Variants in SUSD4 observed in about 807,000 individuals in gnomAD.
The protein encoded by SUSD4 is sushi domain containing 4, also known as sushi domain-containing protein 4.
In SUSD4, 41 loss-of-function variants were observed where a neutral mutation model predicts 50.5. The ratio of observed to expected loss-of-function variants is 0.81; its 90% CI spans 0.63 to 1.05. The LOEUF is 1.05. Among genes scored for constraint, SUSD4 ranks in the 50% least tolerant of loss-of-function variants. The pLI is 0.00. For synonymous variants in SUSD4, 257 were observed against 257.3 expected, an observed-to-expected ratio of 1.00 and a Z score of 0.01; for missense variants, 580 against 634.7, an observed-to-expected ratio of 0.91 and a Z score of 0.93.
At chr1:223,254,574 A>C (rs1661559988) in intron 5 of SUSD4, among the ~76,000 whole-genome samples, 1 of 152,216 alleles carries the variant, frequency 6.6e-6, no homozygotes, top group East Asian at 1.9e-4. Context: ...CAAGAGAAAA[A>C]GAGTCTAAAA....
intron 4 of SUSD4, among the ~76,000 whole-genome samples, chr1:223,268,047 A>ATATATATATATATATATG: frequency 1.7e-5 from 1 of 59,710 alleles, no homozygotes; most frequent in African/African-American, 5.1e-5. Flanking sequence ...ATATATACAC[A>ATATATATATATATATATG]CACACTGTTA....
Position 223,292,500 on chromosome 1 carries a change from C to G in SUSD4, c.300G>C (p.Leu100Phe). The G allele has an allele frequency of 6.2e-7, 1 of 1,614,204 alleles. No individual in the cohort carries two copies. Among genetic ancestry groups the G allele is most frequent in the Non-Finnish European group, 8.5e-7 (1 of 1,180,032 alleles). The change falls in exon 3 of 9, where the codon TTG (leucine) becomes TTC (phenylalanine). Residue 100 changes from leucine to phenylalanine, a missense_variant. Transcript: ENST00000366878. ...AGCCTAGGGTTCCATTAAAATGCTT[C>G]AAACACAGTCTCTTTGTAGCGCCCT... ...KLKGATKRLCLKHFNGTLGWI... is the reference protein window; with the variant it reads ...KLKGATKRLCFKHFNGTLGWI...
chr1:223,296,917 T>G lies in SUSD4; in HGVS notation c.149-4266A>C, dbSNP rs553461326. Among the ~76,000 whole-genome samples the G allele has an allele frequency of 1.9e-3, 289 of 152,308 alleles. 1 individual carries two copies. Among genetic ancestry groups the G allele is most frequent in the African/African-American group, 6.4e-3 (268 of 41,564 alleles). ...TGTGGAACTATGAATCAATTAAACC[T>G]CTTTCCTTTATAATTTACCAAGCCT... On this transcript the variant is annotated intron_variant, in intron 2 of 8. Transcript: ENST00000366878.
chr1:223,323,214 G>C (rs1047615200), intron 2 of SUSD4, among the ~76,000 whole-genome samples: 1 of 151,120 alleles, frequency 6.6e-6, no homozygotes, highest in Non-Finnish European at 1.5e-5. Context: ...GGGATGGAAG[G>C]AAAGAGGAAA....
chr1:223,284,301 T>G (rs1294607882), intron 3 of SUSD4, among the ~76,000 whole-genome samples: 5 of 152,226 alleles, frequency 3.3e-5, no homozygotes. Flanking sequence ...TAATTGGGTA[T>G]GGGCCTGGGG....
chr1:223,317,852 T>C (rs866646020), intron 2 of SUSD4, among the ~76,000 whole-genome samples: 16,807 of 72,060 alleles, frequency 0.23, 886 homozygotes, highest in East Asian at 0.35. Context: ...TTTTTTTTTC[T>C]TTTTTTTTTT....
chr1:223,268,525 C>A lies in SUSD4; in HGVS notation c.512G>T (p.Trp171Leu). 6.2e-7 allele frequency: 1 copy of A among 1,613,718 alleles called. No individual in the cohort carries two copies. The highest frequency in any genetic ancestry group is 8.5e-7 in the Non-Finnish European group (1 of 1,179,836). ...ACCTTGACAGATGGGCAGATTATTC[C>A]ACGTTCCATCATCGCGACATAATGA... The part of the protein sequence containing the change: ...MVSLCRDDGT[W>L]NNLPICQGCL... The change falls in exon 4 of 9, where the codon TGG becomes TTG. Residue 171 changes from tryptophan (W) to leucine (L), a missense_variant. By Grantham distance (61) the Trp-to-Leu change is moderately conservative. Coordinates refer to ENST00000366878, the MANE Select transcript of SUSD4 (RefSeq NM_017982.4).
intron 2 of SUSD4, among the ~76,000 whole-genome samples, chr1:223,351,834 C>A (rs1359749863): frequency 6.6e-6 from 1 of 152,042 alleles, no homozygotes; most frequent in Non-Finnish European, 1.5e-5. Flanking sequence ...AGAATAGTTT[C>A]AATGTAAACT....
At chr1:223,255,111 G>A (rs1379536773) in intron 5 of SUSD4, among the ~76,000 whole-genome samples, 2 of 152,196 alleles carry the variant, frequency 1.3e-5, no homozygotes, top group Non-Finnish European at 2.9e-5. Context: ...TATGTGCCCA[G>A]GCCATAGAAT....
rs562211072 is a variant in SUSD4 at position 223,292,490 on chromosome 1, T to G, written c.310A>C (p.Asn104His). ...CTTGGGATCCAGCCTAGGGTTCCATTAAAATGCTTCAAACACAGTCTCTTT... is the reference window on the plus strand; with the variant it reads ...CTTGGGATCCAGCCTAGGGTTCCATGAAAATGCTTCAAACACAGTCTCTTT... Reference protein sequence around the residue: ...ATKRLCLKHFNGTLGWIPSDN... With the variant: ...ATKRLCLKHFHGTLGWIPSDN... Residue 104 changes from asparagine (N) to histidine (H), a missense_variant, in exon 3 of 9, where the codon AAT (asparagine) becomes CAT (histidine). Physicochemically the swap from Asn to His is moderately conservative, Grantham distance 68. Coordinates refer to ENST00000366878, the MANE Select transcript of SUSD4 (RefSeq NM_017982.4). 9 of 1,614,156 alleles carry G rather than the reference T, an allele frequency of 5.6e-6. No homozygotes were observed. The highest frequency in any genetic ancestry group is 7.6e-6 in the Non-Finnish European group (9 of 1,180,016).
At chr1:223,232,225 G>A (rs528508285) in intron 5 of SUSD4, among the ~76,000 whole-genome samples, 3 of 152,270 alleles carry the variant, frequency 2.0e-5, no homozygotes, top group East Asian at 1.9e-4. Context: ...TCCATAGGAC[G>A]AAGCCCAGAG....
chr1:223,330,138 C>T lies in SUSD4; in HGVS notation c.148+33140G>A, dbSNP rs139628794. On this transcript the variant is annotated intron_variant, in intron 2 of 8. Coordinates refer to ENST00000366878, the MANE Select transcript of SUSD4 (RefSeq NM_017982.4). ...CTTTTGTATTTCTTTGGGAAAGCAA[C>T]TCGCATTCATTCTCATTATCACACT... is the stretch of plus-strand genomic sequence containing the variant. Among the ~76,000 whole-genome samples, 54 of 152,304 alleles carry T rather than the reference C, an allele frequency of 3.5e-4. No individual in the cohort carries two copies. The East Asian group carries it at 6.6e-3, about 19-fold the overall frequency.
intron 3 of SUSD4, among the ~76,000 whole-genome samples, chr1:223,279,746 AG>A (rs1663555173): frequency 1.3e-5 from 2 of 152,324 alleles, no homozygotes; most frequent in South Asian, 4.1e-4. Flanking sequence ...AATGCCACAA[AG>A]ATACTCCTCG....
intron 2 of SUSD4, among the ~76,000 whole-genome samples, chr1:223,362,736 T>C (rs1204204440): frequency 6.6e-6 from 1 of 152,174 alleles, no homozygotes; most frequent in Non-Finnish European, 1.5e-5. Flanking sequence ...TACACATACA[T>C]GCTGCACACA....
Position 223,305,193 on chromosome 1 carries a change from T to C in SUSD4, c.149-12542A>G, listed in dbSNP as rs370513323. 3.9e-5 allele frequency among the ~76,000 whole-genome samples: 6 copies of C among 152,192 alleles called. No homozygotes were observed. In the East Asian group the frequency reaches 9.7e-4, roughly 25 times the overall value. On this transcript the variant is annotated intron_variant, in intron 2 of 8. Transcript: ENST00000366878. ...AAATCTAAGGGCCGGCAGCCTTTCA[T>C]GCACAGACAGCTCAGCTCTGGCCTT...
intron 8 of SUSD4, among the ~76,000 whole-genome samples, chr1:223,222,757 C>T (rs898141704): frequency 3.9e-5 from 6 of 152,214 alleles, no homozygotes; most frequent in Admixed American, 2.6e-4. Flanking sequence ...TTTTACTTCA[C>T]ATCTGGTAAA....
chr1:223,237,500 T>G (rs1186124585), intron 5 of SUSD4, among the ~76,000 whole-genome samples: 3 of 152,036 alleles, frequency 2.0e-5, no homozygotes, highest in Non-Finnish European at 1.5e-5. Flanking sequence ...TAGATATTCT[T>G]TATACGGTTG....
At chr1:223,306,962 T>TC (rs1553302237) in intron 2 of SUSD4, among the ~76,000 whole-genome samples, 2 of 149,108 alleles carry the variant, frequency 1.3e-5, no homozygotes, top group East Asian at 3.9e-4. Flanking sequence ...TTTTTTTTTT[T>TC]GGGGGGGGGT....
In SUSD4 at chr1:223,249,800, G is replaced by A. The variant is rs552104668; in HGVS notation, c.724+14830C>T. ...TAAAACAAAAAATGCATGCTATTCTGTGAAAGGCACCATGCTTTTCTGACA... is the reference window on the plus strand; with the variant it reads ...TAAAACAAAAAATGCATGCTATTCTATGAAAGGCACCATGCTTTTCTGACA... On this transcript the variant is annotated intron_variant, in intron 5 of 8. Coordinates refer to ENST00000366878, the MANE Select transcript of SUSD4 (RefSeq NM_017982.4). Among the ~76,000 whole-genome samples, 5 of 152,330 alleles carry A rather than the reference G, an allele frequency of 3.3e-5. No individual in the cohort carries two copies. In the South Asian group the frequency reaches 1.0e-3, roughly 32 times the overall value.
Sources: allele counts gnomAD v4.1 joint callset (sites outside exome capture counted in the v4.1 genomes callset), GRCh38; gene constraint gnomAD v4.1.1; transcripts MANE v1.5; gene names NCBI Gene and HGNC (gene_info 2026-07-23, HGNC 2026-07-21).